PDE5A: variants seen among roughly 807,000 people sequenced by gnomAD.
PDE5A encodes the protein cGMP-specific 3',5'-cyclic phosphodiesterase.
PDE5A carries 67 observed loss-of-function variants against 110.2 expected under a neutral mutation model. That is an observed-to-expected ratio of 0.61 (90% CI 0.50 to 0.75). The LOEUF (loss-of-function observed/expected upper bound fraction) is 0.75, where lower values mean the gene tolerates loss of function less well. Ranked by LOEUF, PDE5A falls within the 30% of genes least tolerant of loss-of-function variation. The pLI, the probability that PDE5A is intolerant of heterozygous loss-of-function variation, is 0.00. For missense variants in PDE5A, 862 were observed against 1,045.1 expected, an observed-to-expected ratio of 0.82 and a Z score of 2.42; for synonymous variants, 328 against 351.2, an observed-to-expected ratio of 0.93 and a Z score of 0.74.
At chr4:119,571,158 C>T (rs764700808) in intron 3 of PDE5A, among the ~76,000 whole-genome samples, 6 of 152,228 alleles carry the variant, frequency 3.9e-5, no homozygotes, top group Middle Eastern at 6.8e-3. Flanking sequence ...TTGACATAAC[C>T]GATCCAGGCT....
intron 20 of PDE5A, among the ~76,000 whole-genome samples, chr4:119,500,494 T>C (rs930476301): frequency 9.2e-5 from 14 of 152,074 alleles, no homozygotes; most frequent in Non-Finnish European, 7.4e-5. Flanking sequence ...TGGATTAGAA[T>C]ATTTCTAGGT....
chr4:119,578,097 A>G (rs1728434962), intron 3 of PDE5A, among the ~76,000 whole-genome samples: 1 of 152,180 alleles, frequency 6.6e-6, no homozygotes, highest in South Asian at 2.1e-4. Flanking sequence ...ATTGCTTCAA[A>G]GAGAATAAAA....
At chr4:119,524,071 C>A (rs1037419886) in intron 12 of PDE5A, among the ~76,000 whole-genome samples, 5 of 152,032 alleles carry the variant, frequency 3.3e-5, no homozygotes, top group African/African-American at 1.2e-4. Context: ...GGACTCTACA[C>A]CTGTTTGTTA....
At position 119,569,075 on chromosome 4, in the gene PDE5A, C is replaced by T. The variant is rs542546341; in HGVS notation, c.832-1931G>A. On this transcript the variant is annotated intron_variant, in intron 3 of 20. Coordinates refer to ENST00000354960, the MANE Select transcript of PDE5A (RefSeq NM_001083.4). The stretch of plus-strand genomic sequence containing the variant: ...TTGAGACAGGGTCTTGCTCTGTTGC[C>T]CAGGCTGGAGTACAGTGGCACAATC... 9.3e-5 allele frequency among the ~76,000 whole-genome samples: 14 copies of T among 151,154 alleles called. No homozygotes were observed. The East Asian group carries it at 9.7e-4, about 10-fold the overall frequency.
chr4:119,526,609 A>C (rs964340697), intron 11 of PDE5A, among the ~76,000 whole-genome samples: 5 of 152,178 alleles, frequency 3.3e-5, no homozygotes, highest in African/African-American at 1.2e-4. Context: ...AATTTCAGCC[A>C]GGTTCTCAAA....
Position 119,584,810 on chromosome 4 carries a change from T to C in PDE5A, c.831+11713A>G, listed in dbSNP as rs80290534. Among the ~76,000 whole-genome samples the C allele has an allele frequency of 9.4e-3, 1,433 of 152,284 alleles. 24 individuals carry two copies. The highest frequency in any genetic ancestry group is 0.032 in the African/African-American group (1,346 of 41,554). On this transcript the variant is annotated intron_variant, in intron 3 of 20. Transcript: ENST00000354960. ...ATGCTCAAACAGTGTAGCAAAGTAA[T>C]AGACATATTCCCTCTGCTCTCAGTC... is the stretch of plus-strand genomic sequence containing the variant.
intron 19 of PDE5A, 25 bp from the exon 20 acceptor site, chr4:119,501,278 C>T: frequency 7.1e-6 from 9 of 1,268,622 alleles, no homozygotes; most frequent in African/African-American, 4.4e-5. Flanking sequence ...ACAGACCAGA[C>T]ACACAGATGT....
chr4:119,587,034 G>A (rs1205962819), intron 3 of PDE5A, among the ~76,000 whole-genome samples: 4 of 152,110 alleles, frequency 2.6e-5, no homozygotes, highest in African/African-American at 7.2e-5. Context: ...TTTTAGGAAA[G>A]CAGTTAACAT....
At chr4:119,533,635 A>G (rs566751651) in intron 11 of PDE5A, among the ~76,000 whole-genome samples, 15 of 152,260 alleles carry the variant, frequency 9.9e-5, no homozygotes, top group African/African-American at 3.6e-4. Context: ...CAGCATCAAC[A>G]TGTTATATGA....
Position 119,628,788 on chromosome 4 carries a change from T to A in PDE5A, c.-117A>T. Reference sequence around the variant, plus strand: ...ACCCTCCCCCTTCGTCCTGCTCCAGTCGGGCCGGCTTTCGACAAAGCGGCC... The same window carrying A: ...ACCCTCCCCCTTCGTCCTGCTCCAGACGGGCCGGCTTTCGACAAAGCGGCC... On this transcript the variant is annotated 5_prime_UTR_variant, in exon 1 of 21. Coordinates refer to ENST00000354960, the MANE Select transcript of PDE5A (RefSeq NM_001083.4). 6.9e-7 allele frequency: 1 copy of A among 1,458,748 alleles called. No individual in the cohort carries two copies. Among genetic ancestry groups the A allele is most frequent in the Non-Finnish European group, 9.3e-7 (1 of 1,075,842 alleles). 90.4% of individuals were successfully genotyped at this position (1,458,748 alleles called of 1,614,324 possible).
At position 119,626,453 on chromosome 4, in the gene PDE5A, T is replaced by C. The variant is rs551986406; in HGVS notation, c.152+2067A>G. On this transcript the variant is annotated intron_variant, in intron 1 of 20. Coordinates refer to ENST00000354960, the MANE Select transcript of PDE5A (RefSeq NM_001083.4). ...AAGAAAGGACATTTATGCTGATTTA[T>C]TAAACAATAACTTTTTTTCTTTAAA... 2.6e-5 allele frequency among the ~76,000 whole-genome samples: 4 copies of C among 152,350 alleles called. No individual in the cohort carries two copies. The South Asian group carries it at 8.3e-4, about 32-fold the overall frequency.
intron 9 of PDE5A, among the ~76,000 whole-genome samples, chr4:119,546,415 G>C (rs1306139705): frequency 6.6e-6 from 1 of 151,942 alleles, no homozygotes; most frequent in Non-Finnish European, 1.5e-5. Context: ...AATTATATAT[G>C]CCAGACTATG....
intron 9 of PDE5A, among the ~76,000 whole-genome samples, chr4:119,551,658 G>A (rs1298978596): frequency 6.6e-6 from 1 of 151,706 alleles, no homozygotes; most frequent in African/African-American, 2.4e-5. Flanking sequence ...CACAGAACTT[G>A]GACAGTCACT....
At chr4:119,603,253 T>C (rs1487383625) in intron 2 of PDE5A, among the ~76,000 whole-genome samples, 1 of 152,220 alleles carries the variant, frequency 6.6e-6, no homozygotes, top group Non-Finnish European at 1.5e-5. Flanking sequence ...CCGGCTGCAG[T>C]GGCATGCACC....
At chr4:119,526,323 C>T (rs1046713051) in intron 11 of PDE5A, among the ~76,000 whole-genome samples, 1 of 152,142 alleles carries the variant, frequency 6.6e-6, no homozygotes, top group Non-Finnish European at 1.5e-5. Flanking sequence ...ATACTTGCCT[C>T]ACACAAGCCT....
At chr4:119,515,005 T>C (rs1425584809) in intron 14 of PDE5A, among the ~76,000 whole-genome samples, 1 of 152,104 alleles carries the variant, frequency 6.6e-6, no homozygotes, top group Non-Finnish European at 1.5e-5. Context: ...ACCATAACCA[T>C]CACAGCCACT....
At chr4:119,610,930 T>C (rs10050092) in intron 1 of PDE5A, among the ~76,000 whole-genome samples, 47,563 of 152,002 alleles carry the variant, frequency 0.31, 7,497 homozygotes, top group East Asian at 0.39. Context: ...ACAGTAAATT[T>C]TCAGCAAAGT....
chr4:119,538,879 G>C, intron 11 of PDE5A, 81 bp downstream of exon 11: 1 of 963,918 alleles, frequency 1.0e-6, no homozygotes, highest in South Asian at 1.3e-5. Context: ...ATTTTTATAA[G>C]TATCCATCTA....
chr4:119,607,181 T>C lies in PDE5A; in HGVS notation c.269A>G (p.Asp90Gly), dbSNP rs1160864157. 1 of 1,614,136 alleles carries C rather than the reference T, an allele frequency of 6.2e-7. No individual in the cohort carries two copies. Among genetic ancestry groups the C allele is most frequent in the Non-Finnish European group, 8.5e-7 (1 of 1,179,998 alleles). The change falls in exon 2 of 21, where the codon GAT becomes GGT. Residue 90 changes from aspartate to glycine, a missense_variant. Asp to Gly is a moderately conservative substitution (Grantham distance 94). Transcript: ENST00000354960. ...SCPLQQSPRA[D>G]NSAPGTPTRK... ...GGTTGGTGTTCCAGGGGCACTGTTA[T>C]CTGCACGAGGACTCTGCTGCAAGGG...
Sources: allele counts gnomAD v4.1 joint callset (sites outside exome capture counted in the v4.1 genomes callset), GRCh38; gene constraint gnomAD v4.1.1; transcripts MANE v1.5; gene names NCBI Gene and HGNC (gene_info 2026-07-23, HGNC 2026-07-21).